The following PRSS22 variants were observed in gnomAD, a reference collection of about 807,000 sequenced individuals.
PRSS22 encodes brain-specific serine protease 4.
In PRSS22, 26 loss-of-function variants were observed where a neutral mutation model predicts 28.0. The ratio of observed to expected loss-of-function variants is 0.93; its 90% CI spans 0.68 to 1.29. PRSS22 has a LOEUF of 1.29. Ranked by LOEUF, PRSS22 falls within the 50% of genes most tolerant of loss-of-function variation. The probability of loss-of-function intolerance (pLI) is 0.00; values close to 1 mark genes in which losing one functional copy is unlikely to be tolerated. For missense variants in PRSS22, 444 were observed against 422.1 expected (o/e 1.05, Z -0.46); for synonymous variants, 217 against 177.9 (o/e 1.22, Z -1.75).
Position 2,855,763 on chromosome 16 carries a change from C to A in PRSS22, c.370G>T (p.Ala124Ser). The A allele has an allele frequency of 6.2e-7, 1 of 1,614,142 alleles. No individual in the cohort carries two copies. Among genetic ancestry groups the A allele is most frequent in the African/African-American group, 1.3e-5 (1 of 75,048 alleles). ...PGSRSQKVGV[A>S]WVEPHPVYSW... ...TACACAGGGTGGGGCTCCACCCAGGCAACACCCACCTTCTGGGACCGAGAG... is the reference window on the plus strand; with the variant it reads ...TACACAGGGTGGGGCTCCACCCAGGAAACACCCACCTTCTGGGACCGAGAG... Residue 124 changes from alanine (A) to serine (S), a missense_variant, in exon 4 of 6, where the codon GCC becomes TCC. Coordinates refer to ENST00000161006, the MANE Select transcript of PRSS22 (RefSeq NM_022119.4).
At chr16:2,855,347 C>CAAAAAAAAAAAAAAAAA (rs33950878) in intron 4 of PRSS22, among the ~76,000 whole-genome samples, 39 of 68,986 alleles carry the variant, frequency 5.7e-4, no homozygotes, top group Middle Eastern at 7.9e-3. Flanking sequence ...CACCCTGTCT[C>CAAAAAAAAAAAAAAAAA]AAAAAAAAAA....
intron 1 of PRSS22, chr16:2,857,248 C>CAGTGAGGAGGGGGCCCCAGCGCCT (rs2069468850): frequency 8.0e-5 from 16 of 199,396 alleles, no homozygotes; most frequent in Admixed American, 1.4e-4. Flanking sequence ...CCCCAGCGCC[C>CAGTGAGGAGGGGGCCCCAGCGCCT]AGTGAGGAGG....
intron 2 of PRSS22, among the ~76,000 whole-genome samples, 154 bp downstream of exon 2, chr16:2,856,668 C>G (rs1278417795): frequency 2.6e-5 from 4 of 152,146 alleles, no homozygotes; most frequent in African/African-American, 9.7e-5. Flanking sequence ...CTCCTTGCAT[C>G]CGTGTCTCCT....
intron 1 of PRSS22, among the ~76,000 whole-genome samples, chr16:2,857,343 T>G (rs964978814): frequency 2.4e-5 from 1 of 40,958 alleles, no homozygotes. Flanking sequence ...GTCCCAGCGC[T>G]CAGTGAGGAG....
Position 2,852,892 on chromosome 16 carries a change from C to T in PRSS22, c.*201G>A. ...GGGACATGAGGCCGTTGGGCGGGGC[C>T]TGATGCCTTGGAGGCGGGGCCTGAG... is the stretch of plus-strand genomic sequence containing the variant. On this transcript the variant is annotated 3_prime_UTR_variant, in exon 6 of 6. Coordinates refer to ENST00000161006, the MANE Select transcript of PRSS22 (RefSeq NM_022119.4). 1 of 555,224 alleles carries T rather than the reference C, an allele frequency of 1.8e-6. No homozygotes were observed. Among genetic ancestry groups the T allele is most frequent in the Non-Finnish European group, 3.1e-6 (1 of 320,212 alleles). 34.4% of individuals were successfully genotyped at this position (555,224 alleles called of 1,614,324 possible).
rs1010034362 is a variant in PRSS22 at position 2,853,488 on chromosome 16, G to T, written c.718-159C>A. ...AGCTCCACCCAGGTGAGAAGTCCCC[G>T]GCGGCAGAGTAGGAGCTGCAGCCAG... On this transcript the variant is annotated intron_variant, in intron 5 of 5. Transcript: ENST00000161006. This position sits in a 1 kb window ranked among gnomAD's most constrained non-coding sequence, Gnocchi z 4.6. 6.6e-6 allele frequency among the ~76,000 whole-genome samples: 1 copy of T among 152,162 alleles called. No individual in the cohort carries two copies. Among genetic ancestry groups the T allele is most frequent in the Admixed American group, 6.5e-5 (1 of 15,284 alleles).
chr16:2,855,148 G>C (rs1256040453), intron 4 of PRSS22, among the ~76,000 whole-genome samples: 1 of 152,050 alleles, frequency 6.6e-6, no homozygotes, highest in East Asian at 1.9e-4. Flanking sequence ...AACAGTTCAA[G>C]ACCAGCCCAG....
In PRSS22 at chr16:2,853,869, C is replaced by G. The variant is rs769860950; in HGVS notation, c.713G>C (p.Cys238Ser). Residue 238 changes from cysteine to serine, a missense_variant, in exon 5 of 6, where the codon TGT (cysteine) becomes TCT (serine). Coordinates refer to ENST00000161006, the MANE Select transcript of PRSS22 (RefSeq NM_022119.4). This position sits in a 1 kb window ranked among gnomAD's most constrained non-coding sequence, Gnocchi z 4.6. Reference sequence around the variant, plus strand: ...GGGGGGCTCGAGGGAGCTCACCAGACAAGCATCCCGCTCCCCCTCCAAGTA... The same window carrying G: ...GGGGGGCTCGAGGGAGCTCACCAGAGAAGCATCCCGCTCCCCCTCCAAGTA... ...AGYLEGERDA[C>S]LGDSGGPLMC... 1.2e-6 allele frequency: 2 copies of G among 1,613,954 alleles called. No homozygotes were observed. Among genetic ancestry groups the G allele is most frequent in the Admixed American group, 3.3e-5 (2 of 60,022 alleles).
At chr16:2,855,347 CAAAAA>C (rs33950878) in intron 4 of PRSS22, among the ~76,000 whole-genome samples, 1 of 69,042 alleles carries the variant, frequency 1.4e-5, no homozygotes, top group Non-Finnish European at 2.6e-5. Context: ...CACCCTGTCT[CAAAAA>C]AAAAAAAAAA....
At chr16:2,856,341 G>T in intron 2 of PRSS22, 88 bp from the exon 3 acceptor site, 1 of 1,381,422 alleles carries the variant, frequency 7.2e-7, no homozygotes, top group Non-Finnish European at 1.0e-6. Flanking sequence ...CCCAAGCTTT[G>T]CCCACAGCCC....
At position 2,856,213 on chromosome 16, in the gene PRSS22, A is replaced by G; in HGVS notation, c.150T>C (p.Val50=). Residue 50 remains valine, a synonymous_variant, in exon 3 of 6, where the codon GTT becomes GTC. Transcript: ENST00000161006. ...TGTCAGTGCTGTCCTCGCCGCCCAC[A>G]ACCCGGTTCAGCTGCTGGGGCTTCC... ...ACGKPQQLNR[V]VGGEDSTDSE... 1 of 1,613,640 alleles carries G rather than the reference A, an allele frequency of 6.2e-7. No individual in the cohort carries two copies.
Position 2,853,239 on chromosome 16 carries a change from T to A in PRSS22, c.808A>T (p.Asn270Tyr). ...ISWGEGCAER[N>Y]RPGVYISLSA... ...AGGCTGATGTAGACCCCGGGCCTGTTGCGCTCGGCACAGCCCTCGCCCCAG... is the reference window on the plus strand; with the variant it reads ...AGGCTGATGTAGACCCCGGGCCTGTAGCGCTCGGCACAGCCCTCGCCCCAG... The change falls in exon 6 of 6, where the codon AAC (asparagine) becomes TAC (tyrosine). Residue 270 changes from asparagine (N) to tyrosine (Y), a missense_variant. By Grantham distance (143) the Asn-to-Tyr change is moderately radical. Transcript: ENST00000161006. This position sits in a 1 kb window ranked among gnomAD's most constrained non-coding sequence, Gnocchi z 4.6. 6.2e-7 allele frequency: 1 copy of A among 1,600,922 alleles called. No homozygotes were observed. Among genetic ancestry groups the A allele is most frequent in the Non-Finnish European group, 8.5e-7 (1 of 1,179,738 alleles).
At chr16:2,857,788 C>T in intron 1 of PRSS22, 1 of 374,684 alleles carries the variant, frequency 2.7e-6, no homozygotes, top group Non-Finnish European at 4.7e-6. Context: ...CAGGCGATGG[C>T]GACGCCGACG....
chr16:2,853,412 T>G lies in PRSS22; in HGVS notation c.718-83A>C. ...GGCCCGTGCCCTGTCAGGGGGCAGATGAGCCCCTTCCCGGGAGCCCGTTTC... is the reference window on the plus strand; with the variant it reads ...GGCCCGTGCCCTGTCAGGGGGCAGAGGAGCCCCTTCCCGGGAGCCCGTTTC... On this transcript the variant is annotated intron_variant, in intron 5 of 5. Coordinates refer to ENST00000161006, the MANE Select transcript of PRSS22 (RefSeq NM_022119.4). The surrounding 1 kb of genome is among the most constrained non-coding windows in gnomAD (Gnocchi z 4.6). 1.7e-6 allele frequency: 2 copies of G among 1,154,860 alleles called. No homozygotes were observed. Among genetic ancestry groups the G allele is most frequent in the Non-Finnish European group, 2.4e-6 (2 of 818,214 alleles). 71.5% of individuals were successfully genotyped at this position (1,154,860 alleles called of 1,614,324 possible). A position where few individuals can be genotyped will look rare whatever the true frequency, so the allele number is the denominator to read the frequency against.
Position 2,853,791 on chromosome 16 carries a change from A to G in PRSS22, c.717+74T>C. ...AGGCCAGGGAGAGGTTGTGGGGCTC[A>G]GTGGGGACAGGACTGACGCTGGCTC... On this transcript the variant is annotated intron_variant, in intron 5 of 5. Coordinates refer to ENST00000161006, the MANE Select transcript of PRSS22 (RefSeq NM_022119.4). This position sits in a 1 kb window ranked among gnomAD's most constrained non-coding sequence, Gnocchi z 4.6. 1 of 1,540,502 alleles carries G rather than the reference A, an allele frequency of 6.5e-7. No individual in the cohort carries two copies. Among genetic ancestry groups the G allele is most frequent in the Non-Finnish European group, 8.8e-7 (1 of 1,134,402 alleles).
At chr16:2,856,791 C>T (rs1445521620) in intron 2 of PRSS22, 31 bp downstream of exon 2, 13 of 1,551,480 alleles carry the variant, frequency 8.4e-6, no homozygotes, top group East Asian at 7.3e-5. Flanking sequence ...CCTCCCTTCT[C>T]CCTCCCGTCA....
Position 2,853,454 on chromosome 16 carries a change from C to A in PRSS22, c.718-125G>T. On this transcript the variant is annotated intron_variant, in intron 5 of 5. Transcript: ENST00000161006. This position sits in a 1 kb window ranked among gnomAD's most constrained non-coding sequence, Gnocchi z 4.6. Reference sequence around the variant, plus strand: ...GCCCGTTTCTCCTTCCTGGAGGAGACAGGACCTGAGCTCCACCCAGGTGAG... The same window carrying A: ...GCCCGTTTCTCCTTCCTGGAGGAGAAAGGACCTGAGCTCCACCCAGGTGAG... The A allele has an allele frequency of 1.3e-6, 1 of 779,972 alleles. No homozygotes were observed. The highest frequency in any genetic ancestry group is 2.0e-6 in the Non-Finnish European group (1 of 495,934). 48.3% of individuals were successfully genotyped at this position (779,972 alleles called of 1,614,324 possible).
At chr16:2,855,355 A>AG (rs1447290391) in intron 4 of PRSS22, among the ~76,000 whole-genome samples, 5 of 146,852 alleles carry the variant, frequency 3.4e-5, no homozygotes, top group African/African-American at 7.6e-5. Flanking sequence ...CTCAAAAAAA[A>AG]AAAAAAAAAA....
At position 2,853,118 on chromosome 16, in the gene PRSS22, C is replaced by A; in HGVS notation, c.929G>T (p.Gly310Val). ...CTAGGAGCGCGCGGCGGCCCCAGAG[C>A]CCTGGCTCGGTGCCCTGAGGGCCCC... is the stretch of plus-strand genomic sequence containing the variant. Reference protein sequence around the residue: ...GGGALRAPSQGSGAAARS With the variant: ...GGGALRAPSQVSGAAARS The change falls in exon 6 of 6, where the codon GGC becomes GTC. Residue 310 changes from glycine (G) to valine (V), a missense_variant. Gly to Val is a moderately radical substitution (Grantham distance 109, BLOSUM62 -3). Coordinates refer to ENST00000161006, the MANE Select transcript of PRSS22 (RefSeq NM_022119.4). This position sits in a 1 kb window ranked among gnomAD's most constrained non-coding sequence, Gnocchi z 4.6. 1 of 1,595,124 alleles carries A rather than the reference C, an allele frequency of 6.3e-7. No homozygotes were observed. The highest frequency in any genetic ancestry group is 8.5e-7 in the Non-Finnish European group (1 of 1,177,726).
Sources: gnomAD v4.1 joint callset for allele counts (sites outside exome capture counted in the v4.1 genomes callset) on GRCh38, gnomAD v4.1.1 for gene constraint, Gnocchi (gnomAD v3.1) non-coding constraint, MANE v1.5 for transcripts, NCBI Gene and HGNC (gene_info 2026-07-23, HGNC 2026-07-21) for gene names.